CUBN: variants seen among roughly 807,000 people sequenced by gnomAD.
CUBN encodes cubilin.
A neutral mutation model predicts 405.3 loss-of-function variants in CUBN; 282 were observed. The observed-to-expected ratio is 0.70, with a 90% CI of 0.63 to 0.77. The LOEUF is 0.77. Ranked by LOEUF, CUBN falls within the 30% of genes least tolerant of loss-of-function variation. The pLI is 0.00. For synonymous variants in CUBN, 1,684 were observed against 1,617.0 expected (o/e 1.04, Z -0.99); for missense variants, 4,514 against 4,475.2 (o/e 1.01, Z -0.25).
chr10:17,091,657 G>T (rs1836262377), intron 14 of CUBN, among the ~76,000 whole-genome samples: 1 of 152,166 alleles, frequency 6.6e-6, no homozygotes, highest in South Asian at 2.1e-4. Context: ...TTAATGGGAA[G>T]TTCAACCTGA....
At chr10:17,077,985 A>C (rs1835886801) in intron 17 of CUBN, among the ~76,000 whole-genome samples, 1 of 152,214 alleles carries the variant, frequency 6.6e-6, no homozygotes, top group Non-Finnish European at 1.5e-5. Context: ...AATCAAGAAC[A>C]CATGAATAAG....
chr10:16,940,088 C>T lies in CUBN; in HGVS notation c.5492G>A (p.Arg1831Lys). The change falls in exon 37 of 67, where the codon AGA becomes AAA. Residue 1831 changes from arginine to lysine, a missense_variant. Around this residue, in one of 5 missense-constraint regions of CUBN, gnomAD observed 1,613 missense variants for 1,542.8 expected, o/e 1.05. Transcript: ENST00000377833. ...GCTGCCAGAACCATCTGAGATAAAT[C>T]TGACCCACAGGGTATGTCCAACGAT... The part of the protein sequence containing the change: ...SSIVGHTLWV[R>K]FISDGSGSGT... 6.2e-7 allele frequency: 1 copy of T among 1,614,126 alleles called. No individual in the cohort carries two copies. The highest frequency in any genetic ancestry group is 8.5e-7 in the Non-Finnish European group (1 of 1,179,996).
chr10:17,033,383 T>G (rs1166059816), intron 27 of CUBN, among the ~76,000 whole-genome samples: 1 of 152,218 alleles, frequency 6.6e-6, no homozygotes, highest in Non-Finnish European at 1.5e-5. Flanking sequence ...GGTTAAATTT[T>G]TATTGTGTGA....
At chr10:17,031,145 T>C (rs1194100361) in intron 27 of CUBN, among the ~76,000 whole-genome samples, 3 of 152,180 alleles carry the variant, frequency 2.0e-5, no homozygotes, top group Non-Finnish European at 4.4e-5. Flanking sequence ...CATTTATCCT[T>C]AGTGAGAAGT....
intron 17 of CUBN, among the ~76,000 whole-genome samples, chr10:17,074,225 G>A (rs113780828): frequency 1.9e-4 from 29 of 152,242 alleles, no homozygotes; most frequent in African/African-American, 6.5e-4. Flanking sequence ...TGATGACTGC[G>A]GTTTTTGGGG....
intron 31 of CUBN, among the ~76,000 whole-genome samples, chr10:16,975,663 G>A (rs1232268125): frequency 5.4e-5 from 7 of 129,892 alleles, no homozygotes; most frequent in African/African-American, 2.0e-4. Flanking sequence ...AAGGAGTCTC[G>A]CTGTGTCGCC....
In CUBN at chr10:17,047,617, C is replaced by T. The variant is rs1835168836; in HGVS notation, c.3140-14G>A. The T allele has an allele frequency of 6.2e-7, 1 of 1,610,284 alleles. No individual in the cohort carries two copies. The highest frequency in any genetic ancestry group is 8.5e-7 in the Non-Finnish European group (1 of 1,176,620). ...CTTGCAAACATGCTGTGAACAGAAA[C>T]AGACCATAAGAGAGAAAATAGAAAA... On this transcript the variant is annotated splice_polypyrimidine_tract_variant and intron_variant, in intron 22 of 66. Coordinates refer to ENST00000377833, the MANE Select transcript of CUBN (RefSeq NM_001081.4).
chr10:17,094,756 T>C (rs1588638360), intron 14 of CUBN, among the ~76,000 whole-genome samples: 1 of 152,078 alleles, frequency 6.6e-6, no homozygotes, highest in South Asian at 2.1e-4. Context: ...AAAGAAAATA[T>C]TTGGTGTTCA....
rs775573918 is a variant in CUBN, at chr10:17,087,472, C to CTTTT, written c.1947+688_1947+691dup. 7.4e-4 allele frequency among the ~76,000 whole-genome samples: 53 copies of CTTTT among 71,724 alleles called. 5 individuals are homozygous for CTTTT. The highest frequency in any genetic ancestry group is 9.0e-4 in the African/African-American group (19 of 21,134). The allele number at this position is 71,724 out of a possible 152,430, so 47.1% of individuals were successfully genotyped here. A position where few individuals can be genotyped will look rare whatever the true frequency, so the allele number is the denominator to read the frequency against. Reference sequence around the variant, plus strand: ...CACAATCACTATTATTTTTCTTTTTCTTTTTTTTTTTTTTTTTTTTTTAGA... The same window carrying CTTTT: ...CACAATCACTATTATTTTTCTTTTTCTTTTTTTTTTTTTTTTTTTTTTTTTTAGA... On this transcript the variant is annotated intron_variant, in intron 15 of 66. Transcript: ENST00000377833.
chr10:16,883,250 T>G (rs578018973), intron 56 of CUBN, among the ~76,000 whole-genome samples: 1 of 152,126 alleles, frequency 6.6e-6, no homozygotes, highest in Non-Finnish European at 1.5e-5. Flanking sequence ...GGGGGAAGCA[T>G]GTACTAGTAT....
At chr10:17,051,443 G>A (rs189690269) in intron 22 of CUBN, among the ~76,000 whole-genome samples, 3 of 152,172 alleles carry the variant, frequency 2.0e-5, no homozygotes, top group Admixed American at 6.5e-5. Flanking sequence ...TGTGGTCATA[G>A]TTGAGAAAAA....
intron 4 of CUBN, 135 bp from the exon 5 acceptor site, chr10:17,123,824 T>C (rs1837102431): frequency 1.5e-6 from 1 of 658,432 alleles, no homozygotes; most frequent in Non-Finnish European, 2.8e-6. Flanking sequence ...CCATTACTTA[T>C]GTTCTTCTTC....
chr10:16,968,796 T>C (rs1439446680), intron 31 of CUBN, among the ~76,000 whole-genome samples: 2 of 152,246 alleles, frequency 1.3e-5, no homozygotes, highest in Non-Finnish European at 2.9e-5. Context: ...ATGAAGCCAC[T>C]TGTGTGCTGA....
At chr10:17,109,872 T>C (rs1223989598) in intron 9 of CUBN, 137 bp from the exon 10 acceptor site, 1 of 675,704 alleles carries the variant, frequency 1.5e-6, no homozygotes, top group African/African-American at 1.8e-5. Context: ...AAGTATAAAA[T>C]GTCATCAACA....
intron 64 of CUBN, among the ~76,000 whole-genome samples, chr10:16,831,960 G>A (rs1839014034): frequency 6.6e-6 from 1 of 152,196 alleles, no homozygotes; most frequent in African/African-American, 2.4e-5. Flanking sequence ...ATTTCTGTAT[G>A]GGCAAAGGAC....
rs1836053318 is a variant in CUBN, at chr10:17,084,421, A to G, written c.2151T>C (p.Gly717=). Residue 717 remains glycine (G), a synonymous_variant, in exon 17 of 67, where the codon GGT becomes GGC. Coordinates refer to ENST00000377833, the MANE Select transcript of CUBN (RefSeq NM_001081.4). ...RCGGNYTDPE[G]ELFLPELSGP... Reference sequence around the variant, plus strand: ...CAGACAACTCAGGCAAGAAGAGTTCACCCTCTGGGTCCGTGTAGTTCCCAC... The same window carrying G: ...CAGACAACTCAGGCAAGAAGAGTTCGCCCTCTGGGTCCGTGTAGTTCCCAC... The G allele has an allele frequency of 1.2e-6, 2 of 1,613,878 alleles. No homozygotes were observed. Among genetic ancestry groups the G allele is most frequent in the Non-Finnish European group, 1.7e-6 (2 of 1,179,984 alleles).
Position 16,915,103 on chromosome 10 carries a change from AC to A in CUBN, c.7279del (p.Val2427TrpfsTer10). 1 of 1,614,158 alleles carries A rather than the reference AC, an allele frequency of 6.2e-7. No individual in the cohort carries two copies. Among genetic ancestry groups the A allele is most frequent in the Non-Finnish European group, 8.5e-7 (1 of 1,180,004 alleles). ...DSIDTSSNTA[V>X]VRFVTDGSVT... ...AGAGCCGTCTGTGACAAACCTGACC[AC>A]AGCAGTATTGCTAGAAGTGTCTATG... On this transcript the variant is annotated frameshift_variant, in exon 47 of 67. Transcript: ENST00000377833. LOFTEE classifies it high-confidence loss of function.
chr10:17,088,164 C>A lies in CUBN; in HGVS notation c.1947G>T (p.Glu649Asp), dbSNP rs193027863. 1.9e-6 allele frequency: 3 copies of A among 1,608,244 alleles called. No individual in the cohort carries two copies. The Admixed American group carries it at 5.0e-5, about 27-fold the overall frequency. ...HHDDCNKDYL[E>D]IRDGPLYQDP... Reference sequence around the variant, plus strand: ...GTTCTATCTAAATATAATTATTTACCTCAAGGTAATCTTTGTTGCAGTCAT... The same window carrying A: ...GTTCTATCTAAATATAATTATTTACATCAAGGTAATCTTTGTTGCAGTCAT... Residue 649 changes from glutamate to aspartate, a missense_variant and splice_region_variant, in exon 15 of 67, where the codon GAG becomes GAT. By Grantham distance (45) the Glu-to-Asp change is conservative. Coordinates refer to ENST00000377833, the MANE Select transcript of CUBN (RefSeq NM_001081.4).
intron 28 of CUBN, among the ~76,000 whole-genome samples, chr10:16,992,358 T>C (rs1833616010): frequency 6.6e-6 from 1 of 152,202 alleles, no homozygotes; most frequent in Admixed American, 6.5e-5. Context: ...ACCTGCACAT[T>C]GTGCACATGT....
Sources: allele counts gnomAD v4.1 joint callset (sites outside exome capture counted in the v4.1 genomes callset), GRCh38; gene constraint gnomAD v4.1.1; regional missense constraint gnomAD v4.1.1; transcripts MANE v1.5; gene names NCBI Gene and HGNC (gene_info 2026-07-23, HGNC 2026-07-21).